Variants in RUFY4 observed in about 807,000 individuals in gnomAD.
RUFY4 encodes the protein RUN and FYVE domain containing 4.
Under a neutral mutation model 69.0 loss-of-function variants are expected in RUFY4, and 73 were observed. The ratio of observed to expected loss-of-function variants is 1.06; its 90% CI spans 0.88 to 1.29. The LOEUF (loss-of-function observed/expected upper bound fraction) is 1.29. RUFY4 is among the 50% of genes most tolerant of loss of function. The pLI is 0.00. For synonymous variants in RUFY4, 287 were observed against 271.8 expected (o/e 1.06, Z -0.55); for missense variants, 770 against 705.6 (o/e 1.09, Z -1.03).
chr2:218,073,712 T>A (rs1689551620), intron 5 of RUFY4, 104 bp from the exon 8 acceptor site: 1 of 1,250,442 alleles, frequency 8.0e-7, no homozygotes, highest in African/African-American at 1.5e-5. Context: ...GGAGGAAGTG[T>A]CATGGGATGA....
At chr2:218,089,868 G>A in intron 10 of RUFY4, 84 bp from the exon 13 acceptor site, 1 of 914,358 alleles carries the variant, frequency 1.1e-6, no homozygotes, top group Non-Finnish European at 1.8e-6. Flanking sequence ...ACCTGAAGAT[G>A]CTGGAACTCC....
At chr2:218,051,558 T>C (rs1379467240) in intron 2 of RUFY4, among the ~76,000 whole-genome samples, 1 of 136,242 alleles carries the variant, frequency 7.3e-6, no homozygotes, top group Non-Finnish European at 1.5e-5. Flanking sequence ...GACTGGCTGT[T>C]CCAATATTTT....
At chr2:218,088,770 G>A (rs371999137) in intron 9 of RUFY4, among the ~76,000 whole-genome samples, 3 of 151,830 alleles carry the variant, frequency 2.0e-5, no homozygotes, top group Admixed American at 2.0e-4. Context: ...TCTTTCTCTG[G>A]CCCCTATGTC....
intron 8 of RUFY4, among the ~76,000 whole-genome samples, chr2:218,078,106 G>A (rs189853376): frequency 1.4e-3 from 215 of 152,320 alleles, no homozygotes; most frequent in African/African-American, 4.5e-3. Context: ...GACAAAACAG[G>A]CCAAACGCCT....
At chr2:218,038,006 T>TA (rs1435211166) in intron 2 of RUFY4, among the ~76,000 whole-genome samples, 1 of 152,210 alleles carries the variant, frequency 6.6e-6, no homozygotes, top group Admixed American at 6.5e-5. Context: ...TAAAAATTCA[T>TA]AAAAAACATT....
chr2:218,086,522 C>T (rs4133195), intron 9 of RUFY4, among the ~76,000 whole-genome samples: 87,882 of 152,046 alleles, frequency 0.58, 26,207 homozygotes, highest in Middle Eastern at 0.72. Flanking sequence ...CAATTCTTTT[C>T]AAGTTCTGAG....
chr2:218,052,585 CAG>C lies in RUFY4; in HGVS notation c.-1157-6006_-1157-6005del, dbSNP rs577402381. 2.2e-3 allele frequency among the ~76,000 whole-genome samples: 329 copies of C among 152,158 alleles called. 4 individuals carry two copies. Among genetic ancestry groups the C allele is most frequent in the African/African-American group, 7.4e-3 (306 of 41,502 alleles). On this transcript the variant is annotated intron_variant and NMD_transcript_variant, in intron 2 of 13. Transcript: ENST00000457754. The stretch of plus-strand genomic sequence containing the variant: ...TCTTTTAAGTAATTTGCCTAAGAAA[CAG>C]AGATTTCAAGTTTTAGGATAGTTTC...
At chr2:218,038,559 G>A (rs13415455) in intron 2 of RUFY4, among the ~76,000 whole-genome samples, 35,748 of 152,138 alleles carry the variant, frequency 0.23, 5,309 homozygotes, top group East Asian at 0.41. Flanking sequence ...TGTGAAAGGT[G>A]GTTTAGAGAT....
At chr2:218,048,497 T>C (rs774713563) in intron 2 of RUFY4, among the ~76,000 whole-genome samples, 1 of 152,224 alleles carries the variant, frequency 6.6e-6, no homozygotes, top group African/African-American at 2.4e-5. Context: ...GTTTTCATCA[T>C]GAAATCTTTG....
chr2:218,075,553 T>C, exon 7 of RUFY4: 3 of 1,535,066 alleles, frequency 2.0e-6, no homozygotes, highest in Non-Finnish European at 2.6e-6. Flanking sequence ...AGAGGGGCTG[T>C]AGAGGGAGCA....
At chr2:218,080,661 T>C (rs1164132619) in intron 8 of RUFY4, among the ~76,000 whole-genome samples, 3 of 152,214 alleles carry the variant, frequency 2.0e-5, no homozygotes, top group African/African-American at 7.2e-5. Flanking sequence ...AAAGAGGTCC[T>C]CAGGATGGGG....
At chr2:218,042,577 C>T (rs1688722840) in intron 2 of RUFY4, among the ~76,000 whole-genome samples, 1 of 152,134 alleles carries the variant, frequency 6.6e-6, no homozygotes, top group Non-Finnish European at 1.5e-5. Flanking sequence ...ATGGATTTAC[C>T]TCATTTGTAG....
exon 7 of RUFY4, chr2:218,075,440 C>T: frequency 6.2e-7 from 1 of 1,610,848 alleles, no homozygotes; most frequent in Non-Finnish European, 8.5e-7. Flanking sequence ...AGGCTGAGGT[C>T]ACAGGGGTTC....
chr2:218,038,823 T>G (rs1559418630), intron 2 of RUFY4, among the ~76,000 whole-genome samples: 2 of 152,130 alleles, frequency 1.3e-5, no homozygotes, highest in African/African-American at 4.8e-5. Flanking sequence ...GCTCTAGCAG[T>G]CACAAGCAAA....
At chr2:218,081,155 A>T (rs1482940596) in intron 8 of RUFY4, among the ~76,000 whole-genome samples, 1 of 151,898 alleles carries the variant, frequency 6.6e-6, no homozygotes. Flanking sequence ...TCCCCATTTC[A>T]CTGAGATTAA....
chr2:218,083,040 G>C, intron 8 of RUFY4, 70 bp from the exon 11 acceptor site: 1 of 1,516,464 alleles, frequency 6.6e-7, no homozygotes, highest in East Asian at 2.3e-5. Flanking sequence ...CTCTGGAAGA[G>C]GCTCAGCCTA....
chr2:218,053,750 G>A (rs1399166234), intron 2 of RUFY4, among the ~76,000 whole-genome samples: 3 of 151,682 alleles, frequency 2.0e-5, no homozygotes, highest in African/African-American at 2.4e-5. Context: ...CGCCCGCCTC[G>A]GCCTCCCAAA....
At chr2:218,056,194 T>C (rs1689059357) in intron 2 of RUFY4, among the ~76,000 whole-genome samples, 1 of 152,096 alleles carries the variant, frequency 6.6e-6, no homozygotes, top group Non-Finnish European at 1.5e-5. Flanking sequence ...AAAACCATTG[T>C]ACAAATTGGA....
At chr2:218,077,092 C>A (rs1689651779) in intron 8 of RUFY4, among the ~76,000 whole-genome samples, 1 of 152,214 alleles carries the variant, frequency 6.6e-6, no homozygotes, top group Non-Finnish European at 1.5e-5. Flanking sequence ...GAGGAGGAAG[C>A]TGAGGCTCAA....
Sources: allele counts gnomAD v4.1 joint callset (sites outside exome capture counted in the v4.1 genomes callset), GRCh38; gene constraint gnomAD v4.1.1; transcripts MANE v1.5; gene names NCBI Gene and HGNC (gene_info 2026-07-23, HGNC 2026-07-21).